SELENOI: variants seen among roughly 807,000 people sequenced by gnomAD.
SELENOI encodes the protein selenoprotein I, also known as ethanolaminephosphotransferase 1.
SELENOI carries 24 observed loss-of-function variants against 50.7 expected under a neutral mutation model. The observed-to-expected ratio is 0.47, with a 90% confidence interval of 0.34 to 0.67. The LOEUF (loss-of-function observed/expected upper bound fraction) is 0.67, where lower values mean the gene tolerates loss of function less well. SELENOI is among the 30% of genes least tolerant of loss of function. SELENOI has a pLI of 0.01. For missense variants in SELENOI, 352 were observed against 461.4 expected (o/e 0.76, Z 2.17); for synonymous variants, 155 against 170.2 (o/e 0.91, Z 0.70).
intron 1 of SELENOI, among the ~76,000 whole-genome samples, chr2:26,353,563 G>T (rs372778163): frequency 9.2e-5 from 14 of 152,192 alleles, no homozygotes; most frequent in African/African-American, 3.4e-4. Flanking sequence ...ACCTTGACTA[G>T]ATTTGGGGAA....
chr2:26,355,494 C>G (rs1025605021), intron 1 of SELENOI, among the ~76,000 whole-genome samples: 5 of 152,218 alleles, frequency 3.3e-5, no homozygotes, highest in East Asian at 1.9e-4. Context: ...AGTTCATTCA[C>G]TAAATGACGC....
At chr2:26,364,168 C>A in intron 1 of SELENOI, 134 bp from the exon 2 acceptor site, 1 of 562,680 alleles carries the variant, frequency 1.8e-6, no homozygotes, top group South Asian at 1.9e-5. Flanking sequence ...CCTCAGGCCT[C>A]AGCCTTTTGA....
At chr2:26,374,282 AGT>A (rs1677520461) in intron 5 of SELENOI, among the ~76,000 whole-genome samples, 1 of 152,136 alleles carries the variant, frequency 6.6e-6, no homozygotes, top group Non-Finnish European at 1.5e-5. Flanking sequence ...CCACCTTTTC[AGT>A]GTGTAGAGAG....
In SELENOI at chr2:26,379,120, C is replaced by T. The variant is rs770312206; in HGVS notation, c.682+3972C>T. 7.2e-5 allele frequency among the ~76,000 whole-genome samples: 11 copies of T among 152,126 alleles called. No individual in the cohort carries two copies. In the East Asian group the frequency reaches 7.7e-4, roughly 11 times the overall value. Reference sequence around the variant, plus strand: ...TCTCTACTAAAAATACAAAATTAGCCGGGTGTGGTGGCGTATGCCTGTAAT... The same window carrying T: ...TCTCTACTAAAAATACAAAATTAGCTGGGTGTGGTGGCGTATGCCTGTAAT... On this transcript the variant is annotated intron_variant, in intron 6 of 9. Coordinates refer to ENST00000260585, the MANE Select transcript of SELENOI (RefSeq NM_033505.4).
rs1677943703 is a variant in SELENOI at position 26,390,633 on chromosome 2, A to C, written c.*1530A>C. On this transcript the variant is annotated 3_prime_UTR_variant, in exon 10 of 10. Transcript: ENST00000260585. ...CAAGTTATTAGAAATGAGTCACGGC[A>C]CTAACTCATGGTTCTATACTCATTT... 1 of 152,340 alleles carries C rather than the reference A, an allele frequency of 6.6e-6. No individual in the cohort carries two copies. Among genetic ancestry groups the C allele is most frequent in the African/African-American group, 2.4e-5 (1 of 41,448 alleles). The allele number at this position is 152,340 out of a possible 1,614,324, so 9.4% of individuals were successfully genotyped here.
chr2:26,370,608 C>CG (rs545092503), intron 4 of SELENOI, among the ~76,000 whole-genome samples: 2,077 of 4,772 alleles, frequency 0.44, 925 homozygotes, highest in Non-Finnish European at 0.77. Context: ...GCTGGCTGGG[C>CG]GGGGGCTGAC....
intron 1 of SELENOI, among the ~76,000 whole-genome samples, chr2:26,354,899 A>G (rs1347049827): frequency 1.3e-5 from 2 of 152,326 alleles, no homozygotes; most frequent in African/African-American, 4.8e-5. Context: ...CATAAAGACC[A>G]TTTCATTTAT....
chr2:26,385,765 T>C (rs759066136), intron 8 of SELENOI, among the ~76,000 whole-genome samples: 2 of 152,242 alleles, frequency 1.3e-5, no homozygotes, highest in Non-Finnish European at 2.9e-5. Context: ...ACTCATCTTA[T>C]GTTTCCATGT....
At chr2:26,359,936 C>G (rs769089850) in intron 1 of SELENOI, among the ~76,000 whole-genome samples, 7 of 152,036 alleles carry the variant, frequency 4.6e-5, no homozygotes, top group Non-Finnish European at 1.0e-4. Context: ...TTTCATGGAA[C>G]GAGTCTATCA....
chr2:26,378,824 A>AT (rs1446046128), intron 6 of SELENOI, among the ~76,000 whole-genome samples: 1 of 152,192 alleles, frequency 6.6e-6, no homozygotes, highest in Non-Finnish European at 1.5e-5. Flanking sequence ...CCTTTAGATT[A>AT]TTTTAAAGCA....
rs748866328 is a variant in SELENOI, at chr2:26,385,042, T to G, written c.815T>G (p.Leu272Trp). Residue 272 changes from leucine (L) to tryptophan (W), a missense_variant, in exon 8 of 10, where the codon TTG becomes TGG. Leu to Trp is a moderately conservative substitution (Grantham distance 61). Coordinates refer to ENST00000260585, the MANE Select transcript of SELENOI (RefSeq NM_033505.4). ...TTTTCTCCATGCTTGCTGTTCATTT[T>G]GTCTACAGCGTGGATCCTTTGGTCA... ...PLFSPCLLFI[L>W]STAWILWSPS... 1 of 1,613,250 alleles carries G rather than the reference T, an allele frequency of 6.2e-7. No individual in the cohort carries two copies. Among genetic ancestry groups the G allele is most frequent in the South Asian group, 1.1e-5 (1 of 91,024 alleles).
At chr2:26,375,216 A>T in intron 6 of SELENOI, 68 bp downstream of exon 6, 2 of 1,008,544 alleles carry the variant, frequency 2.0e-6, no homozygotes, top group Non-Finnish European at 3.0e-6. Flanking sequence ...GTATTTGACT[A>T]TAACAAGCAA....
intron 6 of SELENOI, among the ~76,000 whole-genome samples, chr2:26,381,025 A>T (rs1405094018): frequency 6.6e-6 from 1 of 150,556 alleles, no homozygotes; most frequent in African/African-American, 2.4e-5. Flanking sequence ...ATCCTTTGAT[A>T]TAGATTATAG....
chr2:26,352,479 T>C (rs1676980344), intron 1 of SELENOI, among the ~76,000 whole-genome samples: 1 of 152,154 alleles, frequency 6.6e-6, no homozygotes, highest in Non-Finnish European at 1.5e-5. Flanking sequence ...CCACACTTGC[T>C]TTCTTTCAAA....
At chr2:26,376,566 A>G (rs1228911878) in intron 6 of SELENOI, among the ~76,000 whole-genome samples, 1 of 152,174 alleles carries the variant, frequency 6.6e-6, no homozygotes, top group Non-Finnish European at 1.5e-5. Context: ...AGTCTCAACT[A>G]TTTTCAATAC....
At chr2:26,365,536 G>A (rs1354531128) in intron 3 of SELENOI, among the ~76,000 whole-genome samples, 1 of 152,202 alleles carries the variant, frequency 6.6e-6, no homozygotes, top group African/African-American at 2.4e-5. Context: ...CGAGGGAATA[G>A]TTGGAGACAA....
intron 8 of SELENOI, 30 bp from the exon 9 acceptor site, chr2:26,386,324 T>TC: frequency 1.3e-6 from 2 of 1,583,102 alleles, no homozygotes; most frequent in Non-Finnish European, 1.7e-6. Context: ...TTTCTTTTTT[T>TC]CTCTCTTATT....
At position 26,389,201 on chromosome 2, in the gene SELENOI, G is replaced by A. The variant is rs1677910762; in HGVS notation, c.*98G>A. 1.0e-6 allele frequency: 1 copy of A among 952,540 alleles called. No homozygotes were observed. The highest frequency in any genetic ancestry group is 1.6e-6 in the Non-Finnish European group (1 of 616,976). The allele number at this position is 952,540 out of a possible 1,614,324, so 59.0% of individuals were successfully genotyped here. On this transcript the variant is annotated 3_prime_UTR_variant, in exon 10 of 10. Coordinates refer to ENST00000260585, the MANE Select transcript of SELENOI (RefSeq NM_033505.4). ...AGACTGATCTGCTTGACAGACGTGG[G>A]ATCTCAGTATGGTACTTGGACAGCA...
chr2:26,352,843 GA>G (rs35795789), intron 1 of SELENOI, among the ~76,000 whole-genome samples: 1,754 of 126,294 alleles, frequency 0.014, 22 homozygotes, highest in African/African-American at 0.044. Flanking sequence ...GGATTCTCTT[GA>G]AAAAAAAAAA....
Sources: gnomAD v4.1 joint callset for allele counts (sites outside exome capture counted in the v4.1 genomes callset) on GRCh38, gnomAD v4.1.1 for gene constraint, MANE v1.5 for transcripts, NCBI Gene and HGNC (gene_info 2026-07-23, HGNC 2026-07-21) for gene names.